Variants in SNAI3 observed in about 807,000 individuals in gnomAD.
SNAI3 encodes zinc finger protein SNAI3.
A neutral mutation model predicts 16.4 loss-of-function variants in SNAI3; 21 were observed. That is an observed-to-expected ratio of 1.28 (90% CI 0.91 to 1.85). SNAI3 has a LOEUF of 1.85. SNAI3 is among the 40% of genes most tolerant of loss of function. The pLI, the probability that SNAI3 is intolerant of heterozygous loss-of-function variation, is 0.00. For missense variants in SNAI3, 457 were observed against 372.8 expected, an observed-to-expected ratio of 1.23 and a Z score of -1.86; for synonymous variants, 202 against 166.6, an observed-to-expected ratio of 1.21 and a Z score of -1.64.
rs1489609490 is a variant in SNAI3 at position 88,681,796 on chromosome 16, C to T, written c.77-82G>A. 1.9e-5 allele frequency: 25 copies of T among 1,302,456 alleles called. No homozygotes were observed. The highest frequency in any genetic ancestry group is 2.4e-5 in the Non-Finnish European group (25 of 1,020,904). The allele number at this position is 1,302,456 out of a possible 1,614,324, so 80.7% of individuals were successfully genotyped here. ...TGTTTTCCAACTCTGATTCGTGGAC[C>T]CAGTCACAGCCCATCAGCAGCCTGG... On this transcript the variant is annotated intron_variant, in intron 1 of 2. Coordinates refer to ENST00000332281, the MANE Select transcript of SNAI3 (RefSeq NM_178310.4). This position sits in a 1 kb window ranked among gnomAD's most constrained non-coding sequence, Gnocchi z 5.4.
chr16:88,681,064 C>T lies in SNAI3; in HGVS notation c.697+30G>A. The stretch of plus-strand genomic sequence containing the variant: ...GCCCACCCTCTTCCCCCAGCCCAGA[C>T]CGTCCTTGCAGACCTTCACCCTGTC... On this transcript the variant is annotated intron_variant, in intron 2 of 2. Transcript: ENST00000332281. The surrounding 1 kb of genome is among the most constrained non-coding windows in gnomAD (Gnocchi z 5.4). 1.3e-6 allele frequency: 2 copies of T among 1,587,532 alleles called. No individual in the cohort carries two copies. Among genetic ancestry groups the T allele is most frequent in the Non-Finnish European group, 8.6e-7 (1 of 1,160,236 alleles).
In SNAI3 at chr16:88,681,674, C is replaced by T. The variant is rs762818249; in HGVS notation, c.117G>A (p.Val39=). The T allele has an allele frequency of 4.1e-6, 6 of 1,472,286 alleles. No homozygotes were observed. The highest frequency in any genetic ancestry group is 2.8e-5 in the African/African-American group (2 of 70,908). The allele number at this position is 1,472,286 out of a possible 1,614,324, so 91.2% of individuals were successfully genotyped here. A position where few individuals can be genotyped will look rare whatever the true frequency, so the allele number is the denominator to read the frequency against. ...CCTCCTTGTCTCGGGGGAGGAGGGG[C>T]ACCACCAGCCCCCCACAGGCAGAGC... ...GACSACGGLV[V]PLLPRDKEAP... Residue 39 remains valine (V), a synonymous_variant, in exon 2 of 3, where the codon GTG becomes GTA. Coordinates refer to ENST00000332281, the MANE Select transcript of SNAI3 (RefSeq NM_178310.4). This position sits in a 1 kb window ranked among gnomAD's most constrained non-coding sequence, Gnocchi z 5.4.
intron 2 of SNAI3, among the ~76,000 whole-genome samples, chr16:88,679,779 A>AAAGAAAG (rs1555545698): frequency 2.1e-5 from 3 of 144,384 alleles, no homozygotes; most frequent in Non-Finnish European, 4.6e-5. Context: ...AAAAAAAAAA[A>AAAGAAAG]AAAGAAAAAG....
rs753568969 is a variant in SNAI3 at position 88,681,610 on chromosome 16, G to A, written c.181C>T (p.Arg61Cys). The A allele has an allele frequency of 4.3e-5, 65 of 1,498,328 alleles. No individual in the cohort carries two copies. The highest frequency in any genetic ancestry group is 2.1e-4 in the African/African-American group (15 of 71,250). The allele number at this position is 1,498,328 out of a possible 1,614,324, so 92.8% of individuals were successfully genotyped here. A position where few individuals can be genotyped will look rare whatever the true frequency, so the allele number is the denominator to read the frequency against. Residue 61 changes from arginine to cysteine, a missense_variant, in exon 2 of 3, where the codon CGC (arginine) becomes TGC (cysteine). Physicochemically the swap from Arg to Cys is radical, Grantham distance 180. Transcript: ENST00000332281. This position sits in a 1 kb window ranked among gnomAD's most constrained non-coding sequence, Gnocchi z 5.4. ...GAGATGCAGGCGACGGCCGAGGAGC[G>A]GTCCCAGGGCTGGGGAAGGTCACCG... is the stretch of plus-strand genomic sequence containing the variant. The part of the protein sequence containing the change: ...VPGDLPQPWD[R>C]SSAVACISLP...
rs770619254 is a variant in SNAI3, at chr16:88,681,231, T to A, written c.560A>T (p.Tyr187Phe). The change falls in exon 2 of 3, where the codon TAC becomes TTC. Residue 187 changes from tyrosine (Y) to phenylalanine (F), a missense_variant. Physicochemically the swap from Tyr to Phe is conservative, Grantham distance 22. Coordinates refer to ENST00000332281, the MANE Select transcript of SNAI3 (RefSeq NM_178310.4). The surrounding 1 kb of genome is among the most constrained non-coding windows in gnomAD (Gnocchi z 5.4). ...CAGGCTGGTGTACTCCTTGTCGCAG[T>A]ACTTGCAGGTGAAGACACGCCCCAC... ...LQVGRVFTCK[Y>F]CDKEYTSLGA... 4.3e-6 allele frequency: 7 copies of A among 1,613,616 alleles called. No homozygotes were observed. The highest frequency in any genetic ancestry group is 5.9e-6 in the Non-Finnish European group (7 of 1,180,004).
rs1280551959 is a variant in SNAI3 at position 88,681,994 on chromosome 16, G to T, written c.77-280C>A. On this transcript the variant is annotated intron_variant, in intron 1 of 2. Coordinates refer to ENST00000332281, the MANE Select transcript of SNAI3 (RefSeq NM_178310.4). The surrounding 1 kb of genome is among the most constrained non-coding windows in gnomAD (Gnocchi z 5.4). ...TTAAACACAAAGAAACATCTGACGG[G>T]ACCCTTTGTGTTCAGGAACATGAAA... Among the ~76,000 whole-genome samples, 4 of 152,254 alleles carry T rather than the reference G, an allele frequency of 2.6e-5. No individual in the cohort carries two copies. In the East Asian group the frequency reaches 7.7e-4, roughly 29 times the overall value.
rs187517758 is a variant in SNAI3 at position 88,683,413 on chromosome 16, G to A, written c.77-1699C>T. ...TGGGATTACAGGCATGCGCCACCACGCCTGGCTTATTTTTGTATTCTTAGT... is the reference window on the plus strand; with the variant it reads ...TGGGATTACAGGCATGCGCCACCACACCTGGCTTATTTTTGTATTCTTAGT... On this transcript the variant is annotated intron_variant, in intron 1 of 2. Transcript: ENST00000332281. Among the ~76,000 whole-genome samples, 8 of 151,360 alleles carry A rather than the reference G, an allele frequency of 5.3e-5. No homozygotes were observed. The East Asian group carries it at 7.8e-4, about 15-fold the overall frequency.
intron 1 of SNAI3, among the ~76,000 whole-genome samples, chr16:88,682,579 C>G (rs1909211388): frequency 6.6e-6 from 1 of 152,198 alleles, no homozygotes; most frequent in African/African-American, 2.4e-5. Flanking sequence ...AAATGGATCT[C>G]TGGCTCTGTT....
intron 2 of SNAI3, chr16:88,679,138 C>A: frequency 1.0e-6 from 1 of 978,014 alleles, no homozygotes; most frequent in Non-Finnish European, 1.2e-6. Context: ...CCATAGAGTC[C>A]TGAGAGACCT....
At chr16:88,684,921 G>A (rs1226221740) in intron 1 of SNAI3, among the ~76,000 whole-genome samples, 1 of 152,192 alleles carries the variant, frequency 6.6e-6, no homozygotes, top group Non-Finnish European at 1.5e-5. Flanking sequence ...TAACATCTTG[G>A]CAGAAAGTTG....
rs192536817 is a variant in SNAI3, at chr16:88,684,060, T to C, written c.76+2271A>G. ...GGGATTCAAAGGAACGCCTCCCATC[T>C]GCCACTCTCTCCTGACCTGACCTCC... is the stretch of plus-strand genomic sequence containing the variant. On this transcript the variant is annotated intron_variant, in intron 1 of 2. Transcript: ENST00000332281. Among the ~76,000 whole-genome samples, 138 of 152,342 alleles carry C rather than the reference T, an allele frequency of 9.1e-4. 1 individual carries two copies. The highest frequency in any genetic ancestry group is 2.7e-3 in the African/African-American group (113 of 41,570).
intron 1 of SNAI3, 31 bp downstream of exon 1, chr16:88,686,300 G>A (rs1427292160): frequency 1.2e-6 from 2 of 1,606,802 alleles, no homozygotes; most frequent in Admixed American, 1.7e-5. Context: ...GTCGAGTCCC[G>A]GCAGGGGCTC....
At chr16:88,678,688 C>A in intron 2 of SNAI3, 59 bp from the exon 3 acceptor site, 3 of 1,535,522 alleles carry the variant, frequency 2.0e-6, no homozygotes, top group Non-Finnish European at 2.6e-6. Context: ...GGCTAAAGCA[C>A]CCACCCTGCC....
rs1487536977 is a variant in SNAI3, at chr16:88,678,216, G to A, written c.*232C>T. The A allele has an allele frequency of 6.3e-6, 3 of 479,378 alleles. No homozygotes were observed. The highest frequency in any genetic ancestry group is 4.0e-5 in the African/African-American group (2 of 50,088). 29.7% of individuals were successfully genotyped at this position (479,378 alleles called of 1,614,324 possible). ...TTGTTCTGATGAAAGCCTTCCCCGG[G>A]AGAGGAGTCTCCTCTGAGTGGGCTC... On this transcript the variant is annotated 3_prime_UTR_variant, in exon 3 of 3. Coordinates refer to ENST00000332281, the MANE Select transcript of SNAI3 (RefSeq NM_178310.4).
Position 88,678,380 on chromosome 16 carries a change from G to A in SNAI3, c.*68C>T. 5 of 657,016 alleles carry A rather than the reference G, an allele frequency of 7.6e-6. No individual in the cohort carries two copies. Among genetic ancestry groups the A allele is most frequent in the Non-Finnish European group, 1.4e-5 (5 of 360,936 alleles). 40.7% of individuals were successfully genotyped at this position (657,016 alleles called of 1,614,324 possible). On this transcript the variant is annotated 3_prime_UTR_variant, in exon 3 of 3. Coordinates refer to ENST00000332281, the MANE Select transcript of SNAI3 (RefSeq NM_178310.4). Reference sequence around the variant, plus strand: ...GCCCTCCCAGACTCCTGGCTCCTCTGGGGGCAGGAGGGACGCCAGCTCTCC... The same window carrying A: ...GCCCTCCCAGACTCCTGGCTCCTCTAGGGGCAGGAGGGACGCCAGCTCTCC...
At chr16:88,682,762 A>ATTTTTTTTTTTGT (rs1909218452) in intron 1 of SNAI3, among the ~76,000 whole-genome samples, 1 of 60,654 alleles carries the variant, frequency 1.6e-5, no homozygotes, top group Non-Finnish European at 3.0e-5. Context: ...TGGGCAAGGG[A>ATTTTTTTTTTTGT]TTTTTTTTTT....
intron 1 of SNAI3, among the ~76,000 whole-genome samples, chr16:88,682,762 ATTTTTTT>A (rs71158747): frequency 0.038 from 2,302 of 60,712 alleles, 129 homozygotes; most frequent in African/African-American, 0.13. Flanking sequence ...TGGGCAAGGG[ATTTTTTT>A]TTTTTTTTTT....
intron 2 of SNAI3, chr16:88,679,184 ATTCC>A: frequency 7.4e-6 from 6 of 815,926 alleles, no homozygotes; most frequent in African/African-American, 1.9e-5. Context: ...GAGCACCTGC[ATTCC>A]TGCTGGTGGG....
intron 1 of SNAI3, among the ~76,000 whole-genome samples, chr16:88,684,282 C>T (rs570599320): frequency 6.6e-6 from 1 of 152,238 alleles, no homozygotes; most frequent in Non-Finnish European, 1.5e-5. Context: ...TAAGACATGG[C>T]CACCTTTCTG....
Sources: gnomAD v4.1 joint callset for allele counts (sites outside exome capture counted in the v4.1 genomes callset) on GRCh38, gnomAD v4.1.1 for gene constraint, Gnocchi (gnomAD v3.1) non-coding constraint, MANE v1.5 for transcripts, NCBI Gene and HGNC (gene_info 2026-07-23, HGNC 2026-07-21) for gene names.